Variants in NWD2 observed in about 807,000 individuals in gnomAD.
NWD2 encodes the protein NACHT and WD repeat domain containing 2, also known as NACHT and WD repeat domain-containing protein 2.
In NWD2, 37 loss-of-function variants were observed where a neutral mutation model predicts 132.7. That is an observed-to-expected ratio of 0.28 (90% CI 0.21 to 0.37). The LOEUF (loss-of-function observed/expected upper bound fraction) is 0.37. NWD2 is among the 10% of genes least tolerant of loss of function. NWD2 has a pLI of 1.00. For missense variants in NWD2, 1,592 were observed against 2,122.4 expected (o/e 0.75, Z 4.91); for synonymous variants, 705 against 803.0 (o/e 0.88, Z 2.06).
chr4:37,373,308 C>T (rs1419603809), intron 3 of NWD2, among the ~76,000 whole-genome samples: 1 of 152,186 alleles, frequency 6.6e-6, no homozygotes, highest in Admixed American at 6.5e-5. Flanking sequence ...ATAAGAGATG[C>T]TTCATTCTAA....
chr4:37,339,893 G>A (rs143600401), intron 2 of NWD2, among the ~76,000 whole-genome samples: 23 of 150,492 alleles, frequency 1.5e-4, no homozygotes, highest in Non-Finnish European at 2.4e-4. Context: ...CCACGTGTAC[G>A]TATTATTTAG....
intron 1 of NWD2, among the ~76,000 whole-genome samples, chr4:37,322,891 C>CT (rs1719097174): frequency 6.6e-6 from 1 of 152,070 alleles, no homozygotes; most frequent in African/African-American, 2.4e-5. Context: ...ATTTCATAAG[C>CT]TTTAGGACTT....
chr4:37,410,126 A>G (rs931973940), intron 3 of NWD2, among the ~76,000 whole-genome samples: 3 of 152,236 alleles, frequency 2.0e-5, no homozygotes, highest in Non-Finnish European at 4.4e-5. Context: ...AGCTAGCTTC[A>G]TAATGACGGG....
At chr4:37,248,369 CT>C (rs1560376344) in intron 1 of NWD2, among the ~76,000 whole-genome samples, 3 of 152,180 alleles carry the variant, frequency 2.0e-5, no homozygotes, top group African/African-American at 7.2e-5. Flanking sequence ...TTGACACATT[CT>C]TGTCCAGAAG....
intron 1 of NWD2, among the ~76,000 whole-genome samples, chr4:37,296,242 T>G (rs926265148): frequency 6.6e-6 from 1 of 152,194 alleles, no homozygotes; most frequent in African/African-American, 2.4e-5. Context: ...AAAATACACG[T>G]GCTAGATAAG....
At chr4:37,389,112 G>A (rs1190149016) in intron 3 of NWD2, among the ~76,000 whole-genome samples, 1 of 152,184 alleles carries the variant, frequency 6.6e-6, no homozygotes, top group East Asian at 1.9e-4. Flanking sequence ...TGCCCAAAGG[G>A]AGGAATGAAG....
chr4:37,304,533 G>A (rs1718670100), intron 1 of NWD2, among the ~76,000 whole-genome samples: 1 of 151,494 alleles, frequency 6.6e-6, no homozygotes, highest in South Asian at 2.1e-4. Flanking sequence ...TAAAAAACAA[G>A]TTAGTCACTT....
Position 37,439,280 on chromosome 4 carries a change from A to G in NWD2, c.1186A>G (p.Ile396Val). Residue 396 changes from isoleucine (I) to valine (V), a missense_variant, in exon 6 of 7, where the codon ATA (isoleucine) becomes GTA (valine). Physicochemically the swap from Ile to Val is conservative, Grantham distance 29. Coordinates refer to ENST00000309447, the MANE Select transcript of NWD2 (RefSeq NM_001144990.2). The surrounding 1 kb of genome is among the most constrained non-coding windows in gnomAD (Gnocchi z 4.5). ...FYEYKCESLN[I>V]VHNYILPSKA... is the part of the protein sequence containing the mutation. ...TGAGTACAAATGTGAATCTCTAAAC[A>G]TAGTGCATAACTACATTCTTCCAAG... 2 of 1,551,160 alleles carry G rather than the reference A, an allele frequency of 1.3e-6. No homozygotes were observed. The highest frequency in any genetic ancestry group is 1.2e-5 in the South Asian group (1 of 83,976).
At chr4:37,251,979 G>A (rs1191201400) in intron 1 of NWD2, among the ~76,000 whole-genome samples, 4 of 152,146 alleles carry the variant, frequency 2.6e-5, no homozygotes, top group African/African-American at 9.7e-5. Flanking sequence ...CATATGTGAC[G>A]AGCACTGTGC....
At chr4:37,351,053 T>C (rs536213910) in intron 2 of NWD2, among the ~76,000 whole-genome samples, 1 of 152,322 alleles carries the variant, frequency 6.6e-6, no homozygotes, top group East Asian at 1.9e-4. Context: ...GTGGATAAGC[T>C]TTTTGATGTG....
intron 1 of NWD2, among the ~76,000 whole-genome samples, chr4:37,277,879 G>A (rs1410529352): frequency 6.6e-6 from 1 of 151,778 alleles, no homozygotes; most frequent in East Asian, 1.9e-4. Flanking sequence ...TTCTGCTTTT[G>A]TTGTTTATTG....
chr4:37,334,276 C>T (rs1180486462), intron 2 of NWD2, among the ~76,000 whole-genome samples: 1 of 152,162 alleles, frequency 6.6e-6, no homozygotes, highest in East Asian at 1.9e-4. Flanking sequence ...AGTTTCTTTG[C>T]TTAAAAGTTT....
chr4:37,408,036 A>G (rs190262564), intron 3 of NWD2, among the ~76,000 whole-genome samples: 3 of 152,360 alleles, frequency 2.0e-5, no homozygotes, highest in African/African-American at 7.2e-5. Flanking sequence ...CCTGCAAACC[A>G]GGAGATTCCC....
At chr4:37,384,674 G>A (rs1577685933) in intron 3 of NWD2, among the ~76,000 whole-genome samples, 5 of 152,320 alleles carry the variant, frequency 3.3e-5, no homozygotes, top group Admixed American at 3.3e-4. Flanking sequence ...TGGCCAACAG[G>A]CAGAGCTGAG....
At chr4:37,382,371 A>G (rs1274876026) in intron 3 of NWD2, among the ~76,000 whole-genome samples, 1 of 152,198 alleles carries the variant, frequency 6.6e-6, no homozygotes, top group East Asian at 1.9e-4. Context: ...GAATGCTGCC[A>G]TCAAGAGATT....
intron 1 of NWD2, among the ~76,000 whole-genome samples, chr4:37,279,138 C>T (rs1317480519): frequency 6.6e-6 from 1 of 152,150 alleles, no homozygotes; most frequent in Admixed American, 6.6e-5. Context: ...CTATCTGTGG[C>T]AAGTTCCTTT....
intron 1 of NWD2, among the ~76,000 whole-genome samples, chr4:37,304,430 C>T (rs1718668389): frequency 6.6e-6 from 1 of 152,098 alleles, no homozygotes; most frequent in Non-Finnish European, 1.5e-5. Flanking sequence ...TCTCAGCAGT[C>T]CCCCAAGTCT....
intron 5 of NWD2, among the ~76,000 whole-genome samples, chr4:37,437,731 ATGTTTTCATT>A (rs1332736067): frequency 1.3e-5 from 2 of 152,154 alleles, no homozygotes; most frequent in Non-Finnish European, 2.9e-5. Context: ...CTGCACAATG[ATGTTTTCATT>A]ACTACTGACC....
chr4:37,318,647 G>A (rs28449397), intron 1 of NWD2, among the ~76,000 whole-genome samples: 5,188 of 151,948 alleles, frequency 0.034, 304 homozygotes, highest in African/African-American at 0.12. Context: ...ATATCCATTA[G>A]TAACCAGTGT....
Sources: allele counts gnomAD v4.1 joint callset (sites outside exome capture counted in the v4.1 genomes callset), GRCh38; gene constraint gnomAD v4.1.1; non-coding constraint Gnocchi (gnomAD v3.1); transcripts MANE v1.5; gene names NCBI Gene and HGNC (gene_info 2026-07-23, HGNC 2026-07-21).